RB1: variants seen among roughly 807,000 people sequenced by gnomAD.
The protein encoded by RB1 is retinoblastoma-associated protein.
In RB1, 18 loss-of-function variants were observed where a neutral mutation model predicts 135.4. The ratio of observed to expected loss-of-function variants is 0.13; its 90% CI spans 0.09 to 0.20. RB1 has a LOEUF of 0.20. Among genes scored for constraint, RB1 ranks in the 10% least tolerant of loss-of-function variants. The pLI, the probability that RB1 is intolerant of heterozygous loss-of-function variation, is 1.00. For synonymous variants in RB1, 365 were observed against 373.2 expected (o/e 0.98, Z 0.25); for missense variants, 868 against 1,110.0 (o/e 0.78, Z 3.10).
intron 24 of RB1, among the ~76,000 whole-genome samples, chr13:48,474,337 A>T (rs771049581): frequency 6.6e-5 from 10 of 152,246 alleles, no homozygotes; most frequent in Middle Eastern, 3.4e-3. Context: ...CTAGGTACCC[A>T]CCAAGTATCA....
chr13:48,333,240 T>G (rs181121077), intron 2 of RB1: 313 of 392,706 alleles, frequency 8.0e-4, no homozygotes, highest in Non-Finnish European at 1.3e-3. Flanking sequence ...GATTTCCTTT[T>G]TTGAAACAGC....
rs540432294 is a variant in RB1 at position 48,384,369 on chromosome 13, T to C, written c.1695+2926T>C. ...GTTATGCCACACAAACAGGATACTGTGTATTTTTCCTGTGAGAATAATTGA... is the reference window on the plus strand; with the variant it reads ...GTTATGCCACACAAACAGGATACTGCGTATTTTTCCTGTGAGAATAATTGA... On this transcript the variant is annotated intron_variant, in intron 17 of 26. Transcript: ENST00000267163. Among the ~76,000 whole-genome samples the C allele has an allele frequency of 3.7e-4, 57 of 152,250 alleles. No homozygotes were observed. In the South Asian group the frequency reaches 4.6e-3, roughly 12 times the overall value.
At chr13:48,378,784 GC>G (rs1948504588) in intron 13 of RB1, among the ~76,000 whole-genome samples, 1 of 151,968 alleles carries the variant, frequency 6.6e-6, no homozygotes, top group Non-Finnish European at 1.5e-5. Context: ...GTAATGCATT[GC>G]ACTACATTAC....
At chr13:48,403,919 T>C (rs967459814) in intron 17 of RB1, among the ~76,000 whole-genome samples, 3 of 152,138 alleles carry the variant, frequency 2.0e-5, no homozygotes, top group Non-Finnish European at 4.4e-5. Context: ...GAGGATTGCT[T>C]GAGCCTGGGA....
chr13:48,377,071 G>A, intron 13 of RB1, 37 bp downstream of exon 13: 1 of 1,577,632 alleles, frequency 6.3e-7, no homozygotes, highest in Non-Finnish European at 8.7e-7. Flanking sequence ...GTACTATAGA[G>A]TAATAATATT....
intron 17 of RB1, among the ~76,000 whole-genome samples, chr13:48,404,968 A>G (rs1948726842): frequency 1.3e-5 from 2 of 152,236 alleles, no homozygotes; most frequent in Non-Finnish European, 2.9e-5. Flanking sequence ...AAATTTGTCA[A>G]ATATGACAGC....
chr13:48,354,517 A>C (rs1952574057), intron 6 of RB1, among the ~76,000 whole-genome samples: 1 of 152,160 alleles, frequency 6.6e-6, no homozygotes, highest in Non-Finnish European at 1.5e-5. Context: ...ACCCAAAGCA[A>C]TCTATAGATT....
intron 2 of RB1, among the ~76,000 whole-genome samples, chr13:48,338,694 C>T (rs1952410011): frequency 6.6e-6 from 1 of 152,246 alleles, no homozygotes; most frequent in South Asian, 2.1e-4. Flanking sequence ...AAGTCATTCT[C>T]CATCCAGCTT....
intron 17 of RB1, among the ~76,000 whole-genome samples, chr13:48,404,022 A>G (rs1948716953): frequency 6.6e-6 from 1 of 152,088 alleles, no homozygotes; most frequent in African/African-American, 2.4e-5. Context: ...AAAAAAAAGC[A>G]CCTTCCTCTT....
At chr13:48,477,228 T>G in intron 25 of RB1, 127 bp from the exon 26 acceptor site, 3 of 704,768 alleles carry the variant, frequency 4.3e-6, no homozygotes, top group Non-Finnish European at 7.3e-6. Context: ...TTTTAAATTT[T>G]AAAATTAAAA....
In RB1 at chr13:48,328,205, C is replaced by A. The variant is rs942630564; in HGVS notation, c.265-14394C>A. ...TTGGTCCAGCTGATGTTGGTGTATC[C>A]CTTGCAATATTCTTCATCCTCATCT... On this transcript the variant is annotated intron_variant, in intron 2 of 26. Transcript: ENST00000267163. The A allele has an allele frequency of 1.8e-4, 270 of 1,479,558 alleles. No individual in the cohort carries two copies. In the African/African-American group the frequency reaches 3.5e-3, roughly 19 times the overall value. 91.7% of individuals were successfully genotyped at this position (1,479,558 alleles called of 1,614,324 possible). A position where few individuals can be genotyped will look rare whatever the true frequency, so the allele number is the denominator to read the frequency against.
intron 17 of RB1, among the ~76,000 whole-genome samples, chr13:48,423,057 G>C (rs1049075113): frequency 1.3e-5 from 2 of 152,066 alleles, no homozygotes; most frequent in Non-Finnish European, 2.9e-5. Flanking sequence ...TTGGGCCCGG[G>C]AGATTGAGGC....
chr13:48,349,703 T>C (rs1417064331), intron 6 of RB1, among the ~76,000 whole-genome samples: 1 of 151,862 alleles, frequency 6.6e-6, no homozygotes, highest in African/African-American at 2.4e-5. Context: ...AATAATAACG[T>C]TGAACATAAA....
chr13:48,307,241 T>G (rs1404482192), intron 1 of RB1, 39 bp from the exon 2 acceptor site: 2 of 1,554,102 alleles, frequency 1.3e-6, no homozygotes, highest in East Asian at 4.5e-5. Context: ...ATTTGATTTA[T>G]AAGTATATGC....
intron 6 of RB1, among the ~76,000 whole-genome samples, chr13:48,352,496 A>T (rs563801279): frequency 9.9e-5 from 15 of 151,888 alleles, no homozygotes; most frequent in African/African-American, 3.6e-4. Flanking sequence ...TGAGCATGGG[A>T]TGTTTTTCCA....
intron 17 of RB1, among the ~76,000 whole-genome samples, chr13:48,436,759 A>C (rs1949188604): frequency 6.6e-6 from 1 of 152,228 alleles, no homozygotes; most frequent in African/African-American, 2.4e-5. Context: ...CAGAAAGGCC[A>C]AGGTCTGCCA....
rs373724633 is a variant in RB1 at position 48,366,789 on chromosome 13, A to G, written c.940-705A>G. 5.9e-5 allele frequency among the ~76,000 whole-genome samples: 9 copies of G among 152,192 alleles called. No homozygotes were observed. In the East Asian group the frequency reaches 7.7e-4, roughly 13 times the overall value. Reference sequence around the variant, plus strand: ...TATGTAATCAAGAGGATTTGCAACAATGTTTGAAAAAATATTTTATATTGA... The same window carrying G: ...TATGTAATCAAGAGGATTTGCAACAGTGTTTGAAAAAATATTTTATATTGA... On this transcript the variant is annotated intron_variant, in intron 9 of 26. Transcript: ENST00000267163.
intron 2 of RB1, among the ~76,000 whole-genome samples, chr13:48,324,850 T>TTG (rs1952272670): frequency 6.6e-6 from 1 of 150,884 alleles, no homozygotes; most frequent in South Asian, 2.1e-4. Flanking sequence ...TTTGTTTTTT[T>TTG]TTTGTTTGTT....
At chr13:48,305,704 A>G (rs1343650041) in intron 1 of RB1, among the ~76,000 whole-genome samples, 1 of 152,198 alleles carries the variant, frequency 6.6e-6, no homozygotes, top group Non-Finnish European at 1.5e-5. Flanking sequence ...GATTATCCAT[A>G]CCCACAAAGG....
Sources: gnomAD v4.1 joint callset for allele counts (sites outside exome capture counted in the v4.1 genomes callset) on GRCh38, gnomAD v4.1.1 for gene constraint, MANE v1.5 for transcripts, NCBI Gene and HGNC (gene_info 2026-07-23, HGNC 2026-07-21) for gene names.